The following AIM2 variants were observed in gnomAD, a reference collection of about 807,000 sequenced individuals.
AIM2 encodes the protein absent in melanoma 2.
AIM2 carries 30 observed loss-of-function variants against 27.7 expected under a neutral mutation model. The observed-to-expected ratio is 1.08, with a 90% confidence interval of 0.81 to 1.47. The LOEUF (loss-of-function observed/expected upper bound fraction) is 1.47. AIM2 is among the 40% of genes most tolerant of loss of function. The pLI is 0.00. For missense variants in AIM2, 358 were observed against 411.3 expected (o/e 0.87, Z 1.12); for synonymous variants, 141 against 145.3 (o/e 0.97, Z 0.21).
At chr1:159,102,632 A>G (rs1266858925) in intron 1 of AIM2, among the ~76,000 whole-genome samples, 1 of 152,264 alleles carries the variant, frequency 6.6e-6, no homozygotes, top group Non-Finnish European at 1.5e-5. Context: ...CACCTCTTGC[A>G]TCAGTGTGCC....
upstream of AIM2, among the ~76,000 whole-genome samples, chr1:159,142,546 G>C (rs892757161): frequency 6.6e-6 from 1 of 152,078 alleles, no homozygotes; most frequent in Non-Finnish European, 1.5e-5. Context: ...GCTCAGCCCG[G>C]AATCCCTGAC....
At chr1:159,116,992 G>A (rs1386478517) in intron 1 of AIM2, among the ~76,000 whole-genome samples, 1 of 152,098 alleles carries the variant, frequency 6.6e-6, no homozygotes, top group Non-Finnish European at 1.5e-5. Flanking sequence ...AAAAAAAATT[G>A]GATTTGACTA....
intron 1 of AIM2, among the ~76,000 whole-genome samples, chr1:159,097,310 T>C (rs1657200634): frequency 6.6e-6 from 1 of 151,968 alleles, no homozygotes; most frequent in South Asian, 2.1e-4. Flanking sequence ...CAGAATAAAT[T>C]AGAAGGAATT....
upstream of AIM2, among the ~76,000 whole-genome samples, chr1:159,144,698 T>C (rs1457248341): frequency 1.3e-5 from 2 of 152,322 alleles, no homozygotes; most frequent in Non-Finnish European, 2.9e-5. Flanking sequence ...TACCTCTAAT[T>C]GAATACCACT....
chr1:159,072,301 A>C (rs1467540752), intron 2 of AIM2, among the ~76,000 whole-genome samples: 1 of 152,222 alleles, frequency 6.6e-6, no homozygotes, highest in South Asian at 2.1e-4. Context: ...GAATGTACAT[A>C]GTATCACTTA....
At position 159,075,617 on chromosome 1, in the gene AIM2, G is replaced by T. The variant is rs955108713; in HGVS notation, c.-21+1016C>A. 5.0e-4 allele frequency among the ~76,000 whole-genome samples: 75 copies of T among 149,404 alleles called. 1 individual carries two copies. The highest frequency in any genetic ancestry group is 6.8e-3 in the Middle Eastern group (2 of 294). On this transcript the variant is annotated intron_variant, in intron 1 of 5. Transcript: ENST00000368130. ...CCTGCTATATATATATATATAGAGA[G>T]AGAGAGAGAGAGAGAGAGCTAATAG...
At chr1:159,102,721 A>T (rs905019471) in intron 1 of AIM2, among the ~76,000 whole-genome samples, 1 of 152,210 alleles carries the variant, frequency 6.6e-6, no homozygotes, top group African/African-American at 2.4e-5. Context: ...CTGGCCTTGC[A>T]TGGGGCCTGT....
At position 159,083,972 on chromosome 1, in the gene AIM2, G is replaced by C. The variant is rs550782954; in HGVS notation, c.-15-17643C>G. The stretch of plus-strand genomic sequence containing the variant: ...AGTCCCTAATTGCCTCTGGCACACA[G>C]AGCTAACCTTTACCACTCAGCCAGT... On this transcript the variant is annotated intron_variant, in intron 1 of 2. Coordinates refer to the AIM2 transcript ENST00000368129. Among the ~76,000 whole-genome samples the C allele has an allele frequency of 6.6e-4, 100 of 152,280 alleles. 2 individuals carry two copies. In the South Asian group the frequency reaches 0.019, roughly 29 times the overall value.
chr1:159,141,689 C>CCACA (rs764780989), upstream of AIM2, among the ~76,000 whole-genome samples: 5 of 152,070 alleles, frequency 3.3e-5, no homozygotes, highest in African/African-American at 1.2e-4. Context: ...AGAGACCTCA[C>CCACA]CACACACACA....
chr1:159,121,479 G>GT lies in AIM2; in HGVS notation c.-16+18951dup, dbSNP rs545917675. 1.8e-4 allele frequency among the ~76,000 whole-genome samples: 27 copies of GT among 151,290 alleles called. No individual in the cohort carries two copies. The South Asian group carries it at 2.9e-3, about 16-fold the overall frequency. On this transcript the variant is annotated intron_variant, in intron 1 of 2. Coordinates refer to the AIM2 transcript ENST00000368129. ...CAGTTTGACGTGCTTTTGTAAGCAT[G>GT]TTTTTTTTTCCTAAATTTTTGGTTC...
At chr1:159,124,161 T>C (rs1174828316) in intron 1 of AIM2, among the ~76,000 whole-genome samples, 1 of 152,214 alleles carries the variant, frequency 6.6e-6, no homozygotes, top group Non-Finnish European at 1.5e-5. Flanking sequence ...TTTCTGCTCA[T>C]TGCTTACTCT....
chr1:159,093,733 C>CAGAG (rs57305983), intron 1 of AIM2, among the ~76,000 whole-genome samples: 318 of 143,930 alleles, frequency 2.2e-3, no homozygotes, highest in African/African-American at 6.5e-3. Context: ...TATATATATA[C>CAGAG]AGAGAGAGAG....
intron 1 of AIM2, among the ~76,000 whole-genome samples, chr1:159,103,767 C>A (rs1164921775): frequency 1.3e-5 from 2 of 152,216 alleles, no homozygotes; most frequent in Non-Finnish European, 2.9e-5. Flanking sequence ...CATAGCCTTC[C>A]CGAATAACAA....
chr1:159,128,479 G>T (rs1428838907), intron 1 of AIM2, among the ~76,000 whole-genome samples: 2 of 152,118 alleles, frequency 1.3e-5, no homozygotes, highest in African/African-American at 4.8e-5. Context: ...GAATGGCCTA[G>T]TATCGTTATA....
chr1:159,069,806 G>A (rs1465084145), intron 2 of AIM2, among the ~76,000 whole-genome samples: 1 of 152,152 alleles, frequency 6.6e-6, no homozygotes, highest in African/African-American at 2.4e-5. Flanking sequence ...GCCTCCCAAA[G>A]TGTTGGGATT....
At chr1:159,094,972 T>G (rs139134696) in intron 1 of AIM2, among the ~76,000 whole-genome samples, 146 of 152,314 alleles carry the variant, frequency 9.6e-4, no homozygotes, top group African/African-American at 3.3e-3. Context: ...TAAGCCCATT[T>G]CTTTTTGTCT....
chr1:159,116,118 CA>C (rs954129662), intron 1 of AIM2, among the ~76,000 whole-genome samples: 202 of 151,744 alleles, frequency 1.3e-3, no homozygotes, highest in African/African-American at 4.6e-3. Flanking sequence ...AAATGCAAAT[CA>C]AAACCACAAT....
rs1553215674 is a variant in AIM2, at chr1:159,075,611, T to TATAG, written c.-21+1021_-21+1022insCTAT. Among the ~76,000 whole-genome samples, 410 of 145,764 alleles carry TATAG rather than the reference T, an allele frequency of 2.8e-3. 2 individuals are homozygous for TATAG. The highest frequency in any genetic ancestry group is 9.9e-3 in the African/African-American group (389 of 39,286). On this transcript the variant is annotated intron_variant, in intron 1 of 5. Coordinates refer to ENST00000368130, the MANE Select transcript of AIM2 (RefSeq NM_004833.3). Reference sequence around the variant, plus strand: ...GCTATACCTGCTATATATATATATATAGAGAGAGAGAGAGAGAGAGAGAGC... The same window carrying TATAG: ...GCTATACCTGCTATATATATATATATATAGAGAGAGAGAGAGAGAGAGAGAGAGC...
downstream of AIM2, among the ~76,000 whole-genome samples, chr1:159,061,479 G>A (rs1372121698): frequency 3.3e-5 from 5 of 151,408 alleles, no homozygotes; most frequent in African/African-American, 7.3e-5. Flanking sequence ...TGCAAACTCC[G>A]CCTCCTGGGT....
Sources: gnomAD v4.1 joint callset for allele counts (sites outside exome capture counted in the v4.1 genomes callset) on GRCh38, gnomAD v4.1.1 for gene constraint, MANE v1.5 for transcripts, NCBI Gene and HGNC (gene_info 2026-07-23, HGNC 2026-07-21) for gene names.